NCOA2: variants seen among roughly 807,000 people sequenced by gnomAD.
NCOA2 encodes the protein nuclear receptor coactivator 2.
A neutral mutation model predicts 145.1 loss-of-function variants in NCOA2; 21 were observed. The ratio of observed to expected loss-of-function variants is 0.14; its 90% CI spans 0.10 to 0.21. The LOEUF (loss-of-function observed/expected upper bound fraction) is 0.21, where lower values mean the gene tolerates loss of function less well. Ranked by LOEUF, NCOA2 falls within the 10% of genes least tolerant of loss-of-function variation. The pLI is 1.00. For synonymous variants in NCOA2, 619 were observed against 637.5 expected (o/e 0.97, Z 0.44); for missense variants, 1,472 against 1,837.6 (o/e 0.80, Z 3.64).
chr8:70,435,218 G>A, the NCOA2 span, among the ~76,000 whole-genome samples: 1 of 151,394 alleles, frequency 6.6e-6, no homozygotes, highest in Non-Finnish European at 1.5e-5. Context: ...GAGGTCAGGA[G>A]ATCGAGACCA....
intron 1 of NCOA2, among the ~76,000 whole-genome samples, chr8:70,398,661 A>C (rs1813921353): frequency 6.6e-6 from 1 of 152,198 alleles, no homozygotes; most frequent in Admixed American, 6.5e-5. Context: ...AGAACATTTA[A>C]CCAGTTGCGA....
chr8:70,139,076 G>A (rs1164463177), intron 14 of NCOA2, among the ~76,000 whole-genome samples: 3 of 152,248 alleles, frequency 2.0e-5, no homozygotes, highest in Non-Finnish European at 4.4e-5. Flanking sequence ...ACCAGAGAAA[G>A]AGCAGAGCAG....
At position 70,124,774 on chromosome 8, in the gene NCOA2, G is replaced by T. The variant is rs1429117363; in HGVS notation, c.4008C>A (p.Pro1336=). 5.0e-6 allele frequency: 8 copies of T among 1,613,744 alleles called. No homozygotes were observed. Among genetic ancestry groups the T allele is most frequent in the Non-Finnish European group, 6.8e-6 (8 of 1,179,810 alleles). Residue 1336 remains proline, a synonymous_variant, in exon 20 of 23, where the codon CCC becomes CCA. Coordinates refer to ENST00000452400, the MANE Select transcript of NCOA2 (RefSeq NM_006540.4). The part of the protein sequence containing the change: ...MSPRMAHTQS[P]MMQQSQANPA... ...GGTTGGCCTGAGACTGTTGCATCAT[G>T]GGACTCTGTGTATGTGCCATTCGGG...
chr8:70,364,834 T>G (rs868437031), intron 1 of NCOA2, among the ~76,000 whole-genome samples: 52 of 151,828 alleles, frequency 3.4e-4, no homozygotes, highest in South Asian at 2.9e-3. Flanking sequence ...GGTTTGTTTT[T>G]TTTTTTTTTT....
At chr8:70,369,165 C>G (rs1298816977) in intron 1 of NCOA2, among the ~76,000 whole-genome samples, 1 of 152,172 alleles carries the variant, frequency 6.6e-6, no homozygotes, top group African/African-American at 2.4e-5. Context: ...GAATAGACTT[C>G]ACTTGAAACT....
At chr8:70,174,991 C>A (rs1262189043) in intron 4 of NCOA2, 132 bp from the exon 5 acceptor site, 2 of 771,070 alleles carry the variant, frequency 2.6e-6, no homozygotes, top group Non-Finnish European at 4.3e-6. Flanking sequence ...AGTTACAGTA[C>A]ATCCCTGTTG....
At chr8:70,222,963 G>T (rs1305236754) in intron 2 of NCOA2, among the ~76,000 whole-genome samples, 3 of 152,196 alleles carry the variant, frequency 2.0e-5, no homozygotes, top group African/African-American at 7.2e-5. Flanking sequence ...AACATAGCCA[G>T]TTACTGGACT....
intron 11 of NCOA2, among the ~76,000 whole-genome samples, chr8:70,153,081 G>C (rs1811919479): frequency 6.6e-6 from 1 of 152,182 alleles, no homozygotes; most frequent in Non-Finnish European, 1.5e-5. Context: ...TATAGGTAAT[G>C]CACACTTCCT....
intron 2 of NCOA2, among the ~76,000 whole-genome samples, chr8:70,237,626 C>T (rs779291784): frequency 4.6e-5 from 7 of 151,744 alleles, no homozygotes; most frequent in Non-Finnish European, 7.4e-5. Flanking sequence ...AAAAATTATC[C>T]GGGCATGCTG....
chr8:70,376,458 T>C (rs1480813271), intron 1 of NCOA2, among the ~76,000 whole-genome samples: 1 of 152,168 alleles, frequency 6.6e-6, no homozygotes, highest in Non-Finnish European at 1.5e-5. Context: ...ATTTTTCTAT[T>C]ATATTCTCTA....
At chr8:70,280,752 A>T (rs1216941695) in intron 2 of NCOA2, among the ~76,000 whole-genome samples, 1 of 152,286 alleles carries the variant, frequency 6.6e-6, no homozygotes, top group East Asian at 1.9e-4. Context: ...CAAGCATAGG[A>T]TCTACACCAA....
intron 2 of NCOA2, among the ~76,000 whole-genome samples, chr8:70,274,966 C>T (rs1825363651): frequency 6.6e-6 from 1 of 152,138 alleles, no homozygotes; most frequent in Admixed American, 6.5e-5. Flanking sequence ...AGAAGTGGCA[C>T]AGTAAGTTAT....
chr8:70,414,603 G>A, the NCOA2 span, among the ~76,000 whole-genome samples: 1 of 152,190 alleles, frequency 6.6e-6, no homozygotes, highest in Admixed American at 6.5e-5. Context: ...AAATGCATAT[G>A]ATGGTTATGT....
the NCOA2 span, among the ~76,000 whole-genome samples, chr8:70,429,310 T>C: frequency 6.6e-6 from 1 of 152,222 alleles, no homozygotes; most frequent in Non-Finnish European, 1.5e-5. Context: ...CTCAGAGTTG[T>C]GGAGGCTGAA....
At chr8:70,239,578 T>C (rs1310838241) in intron 2 of NCOA2, among the ~76,000 whole-genome samples, 1 of 152,128 alleles carries the variant, frequency 6.6e-6, no homozygotes, top group Non-Finnish European at 1.5e-5. Flanking sequence ...GAAGACACCC[T>C]GACAACACCA....
At chr8:70,434,682 C>T in the NCOA2 span, among the ~76,000 whole-genome samples, 1 of 152,136 alleles carries the variant, frequency 6.6e-6, no homozygotes, top group Non-Finnish European at 1.5e-5. Flanking sequence ...GATCTTCTTG[C>T]CTCAGCCTCC....
At chr8:70,272,448 CTG>C (rs1367833679) in intron 2 of NCOA2, among the ~76,000 whole-genome samples, 1 of 152,206 alleles carries the variant, frequency 6.6e-6, no homozygotes, top group Non-Finnish European at 1.5e-5. Context: ...TGTCATGTTT[CTG>C]GTTATACTAT....
intron 2 of NCOA2, among the ~76,000 whole-genome samples, chr8:70,267,980 G>A (rs1446381283): frequency 6.6e-6 from 1 of 152,192 alleles, no homozygotes; most frequent in African/African-American, 2.4e-5. Flanking sequence ...AGCAGGATAT[G>A]TGGGAATTCA....
At chr8:70,435,398 T>C in the NCOA2 span, among the ~76,000 whole-genome samples, 8 of 120,126 alleles carry the variant, frequency 6.7e-5, no homozygotes, top group African/African-American at 1.0e-4. Context: ...GCAGTCCAGC[T>C]TGGGCGAAAG....
Sources: allele counts gnomAD v4.1 joint callset (sites outside exome capture counted in the v4.1 genomes callset), GRCh38; gene constraint gnomAD v4.1.1; transcripts MANE v1.5; gene names NCBI Gene and HGNC (gene_info 2026-07-23, HGNC 2026-07-21).